Variants in PCNT observed in about 807,000 individuals in gnomAD.
PCNT encodes the protein kendrin.
A neutral mutation model predicts 380.4 loss-of-function variants in PCNT; 319 were observed. That is an observed-to-expected ratio of 0.84 (90% CI 0.77 to 0.92). The LOEUF (loss-of-function observed/expected upper bound fraction) is 0.92. PCNT is among the 40% of genes least tolerant of loss of function. The probability of loss-of-function intolerance (pLI) is 0.00; values close to 1 mark genes in which losing one functional copy is unlikely to be tolerated. For synonymous variants in PCNT, 1,845 were observed against 1,735.2 expected (o/e 1.06, Z -1.57); for missense variants, 4,400 against 4,255.3 (o/e 1.03, Z -0.95).
chr21:46,386,840 C>T (rs796849546), intron 17 of PCNT, among the ~76,000 whole-genome samples: 6 of 152,212 alleles, frequency 3.9e-5, no homozygotes, highest in African/African-American at 1.2e-4. Context: ...TGTTGCCAAA[C>T]GCAGCCTCCC....
Position 46,341,927 on chromosome 21 carries a change from C to T in PCNT, c.640-4201C>T, listed in dbSNP as rs1442254896. On this transcript the variant is annotated intron_variant, in intron 3 of 46. Coordinates refer to ENST00000359568, the MANE Select transcript of PCNT (RefSeq NM_006031.6). ...CTTCTGGCCTCAAGTGATGCTCCTG[C>T]TTTACATGCTTTTTACTTATTTTTT... Among the ~76,000 whole-genome samples the T allele has an allele frequency of 6.4e-5, 9 of 140,056 alleles. No homozygotes were observed. The South Asian group carries it at 2.1e-3, about 33-fold the overall frequency. 91.9% of individuals were successfully genotyped at this position (140,056 alleles called of 152,430 possible).
At chr21:46,348,652 C>T (rs1362448022) in intron 6 of PCNT, among the ~76,000 whole-genome samples, 21 of 152,160 alleles carry the variant, frequency 1.4e-4, no homozygotes, top group Admixed American at 1.4e-3. Context: ...TCTCATTCTG[C>T]CTCCCAGGCT....
Position 46,395,489 on chromosome 21 carries a change from A to G in PCNT, c.4217-1776A>G, listed in dbSNP as rs2086178136. Among the ~76,000 whole-genome samples the G allele has an allele frequency of 1.6e-5, 2 of 128,156 alleles. 1 individual carries two copies. The highest frequency in any genetic ancestry group is 1.5e-4 in the Admixed American group (2 of 13,310). 84.1% of individuals were successfully genotyped at this position (128,156 alleles called of 152,430 possible). A position where few individuals can be genotyped will look rare whatever the true frequency, so the allele number is the denominator to read the frequency against. ...GAGACTCCATCTCAGAAATAATAGT[A>G]ATAAAATAGAGACTTCAGGACTCAG... is the stretch of plus-strand genomic sequence containing the variant. On this transcript the variant is annotated intron_variant, in intron 21 of 46. Coordinates refer to ENST00000359568, the MANE Select transcript of PCNT (RefSeq NM_006031.6).
chr21:46,440,106 G>T lies in PCNT; in HGVS notation c.9297G>T (p.Lys3099Asn). 1.9e-6 allele frequency: 3 copies of T among 1,614,162 alleles called. No individual in the cohort carries two copies. In the South Asian group the frequency reaches 3.3e-5, roughly 18 times the overall value. ...AGAGGTCGGAAAGGTCTGCTTGGAA[G>T]CCAGACGAAACGGCTCCACAGAGTT... ...SPSRSERSAW[K>N]PDETAPQSSL... Residue 3099 changes from lysine to asparagine, a missense_variant, in exon 42 of 47, where the codon AAG (lysine) becomes AAT (asparagine). Transcript: ENST00000359568.
intron 16 of PCNT, among the ~76,000 whole-genome samples, chr21:46,383,234 A>G (rs1569229281): frequency 6.8e-6 from 1 of 147,306 alleles, no homozygotes; most frequent in Admixed American, 6.8e-5. Context: ...GCGGAAGCGC[A>G]TTCACAGTGT....
intron 7 of PCNT, 49 bp downstream of exon 7, chr21:46,349,235 G>A (rs1601802040): frequency 7.0e-7 from 1 of 1,431,568 alleles, no homozygotes; most frequent in East Asian, 2.3e-5. Flanking sequence ...ATTTTCCTAG[G>A]TAGTACTGGA....
intron 25 of PCNT, among the ~76,000 whole-genome samples, chr21:46,400,886 C>G (rs1179821353): frequency 6.6e-6 from 1 of 152,140 alleles, no homozygotes; most frequent in South Asian, 2.1e-4. Flanking sequence ...CAGGCCCTGA[C>G]GTGTTTCCGT....
rs3788259 is a variant in PCNT at position 46,370,120 on chromosome 21, G to A, written c.3165+2981G>A. ...GGCACTTACGGATACACTTGGAGCC[G>A]CTGGATTGTGCGTGCAGTGGGGTCT... On this transcript the variant is annotated intron_variant, in intron 15 of 46. Coordinates refer to ENST00000359568, the MANE Select transcript of PCNT (RefSeq NM_006031.6). 7.4e-4 allele frequency among the ~76,000 whole-genome samples: 112 copies of A among 152,208 alleles called. No individual in the cohort carries two copies. The East Asian group carries it at 0.02, about 27-fold the overall frequency.
rs1215624018 is a variant in PCNT at position 46,412,971 on chromosome 21, G to C, written c.6129G>C (p.Leu2043=). ...TCTTGGTGAAAAATGAAATGCGCCT[G>C]AGTCTGGAGGACGGCGGCAAGGTGT... is the stretch of plus-strand genomic sequence containing the variant. The part of the protein sequence containing the change: ...ELLLVKNEMR[L]SLEDGGKGKE... Residue 2043 remains leucine, a synonymous_variant, in exon 29 of 47, where the codon CTG becomes CTC. Coordinates refer to ENST00000359568, the MANE Select transcript of PCNT (RefSeq NM_006031.6). 2.5e-6 allele frequency: 4 copies of C among 1,609,788 alleles called. No homozygotes were observed. The highest frequency in any genetic ancestry group is 2.2e-5 in the South Asian group (2 of 91,076).
rs778166847 is a variant in PCNT at position 46,416,303 on chromosome 21, T to A, written c.6385T>A (p.Cys2129Ser). Residue 2129 changes from cysteine (C) to serine (S), a missense_variant, in exon 30 of 47, where the codon TGT (cysteine) becomes AGT (serine). Physicochemically the swap from Cys to Ser is moderately radical, Grantham distance 112. Transcript: ENST00000359568. ...EPDISPHIDT[C>S]DANTATGGVT... ...TGACATATCACCCCACATAGACACATGTGATGCCAATACAGCCACGGGGGG... is the reference window on the plus strand; with the variant it reads ...TGACATATCACCCCACATAGACACAAGTGATGCCAATACAGCCACGGGGGG... 1 of 1,613,842 alleles carries A rather than the reference T, an allele frequency of 6.2e-7. No individual in the cohort carries two copies. The highest frequency in any genetic ancestry group is 1.6e-4 in the Middle Eastern group (1 of 6,062).
At chr21:46,390,169 C>T (rs1417278939) in intron 19 of PCNT, among the ~76,000 whole-genome samples, 1 of 152,216 alleles carries the variant, frequency 6.6e-6, no homozygotes, top group Admixed American at 6.5e-5. Flanking sequence ...TTAAGTTAGC[C>T]AGGCGTGGTG....
chr21:46,365,337 ATGGGGTTCTATTCACTGCCG>A (rs1569204248), intron 14 of PCNT, among the ~76,000 whole-genome samples: 2 of 78,094 alleles, frequency 2.6e-5, no homozygotes, highest in East Asian at 4.8e-4. Flanking sequence ...ATTCACTGCC[ATGGGGTTCTATTCACTGCCG>A]TGGGGTTCTG....
chr21:46,338,369 C>G (rs920565668), intron 3 of PCNT, among the ~76,000 whole-genome samples: 5 of 152,166 alleles, frequency 3.3e-5, no homozygotes, highest in African/African-American at 1.2e-4. Flanking sequence ...TTTGCCTTTT[C>G]CAGAATGTTC....
At position 46,432,105 on chromosome 21, in the gene PCNT, C is replaced by T. The variant is rs766529116; in HGVS notation, c.8641C>T (p.Arg2881Trp). Residue 2881 changes from arginine to tryptophan, a missense_variant, in exon 38 of 47, where the codon CGG (arginine) becomes TGG (tryptophan). Coordinates refer to ENST00000359568, the MANE Select transcript of PCNT (RefSeq NM_006031.6). ...GGCAGAATTAGAGCAGTCACACCCA[C>T]GGTTGAAAGAGCAAGAAGGACGCAA... ...LQAELEQSHP[R>W]LKEQEGRKAA... The T allele has an allele frequency of 6.8e-6, 11 of 1,613,956 alleles. No homozygotes were observed. Among genetic ancestry groups the T allele is most frequent in the South Asian group, 2.2e-5 (2 of 91,090 alleles).
intron 17 of PCNT, among the ~76,000 whole-genome samples, chr21:46,387,220 G>T (rs1192590794): frequency 1.3e-5 from 2 of 152,178 alleles, no homozygotes; most frequent in Non-Finnish European, 2.9e-5. Context: ...ATCCGTGTGT[G>T]GGGGGTGTCT....
Position 46,363,849 on chromosome 21 carries a change from G to C in PCNT, c.2524G>C (p.Glu842Gln). The change falls in exon 14 of 47, where the codon GAG becomes CAG. Residue 842 changes from glutamate to glutamine, a missense_variant. By Grantham distance (29) the Glu-to-Gln change is conservative. Transcript: ENST00000359568. ...DALHCSQCGR[E>Q]PPTAQDGELA... ...CCTGCATTGCAGCCAGTGTGGGCGG[G>C]AGCCGCCCACAGCCCAGGACGGGGA... 1 of 1,611,980 alleles carries C rather than the reference G, an allele frequency of 6.2e-7. No homozygotes were observed. Among genetic ancestry groups the C allele is most frequent in the Non-Finnish European group, 8.5e-7 (1 of 1,178,986 alleles).
At chr21:46,407,340 C>CTTTTTTTTTTTTTTT (rs899881614) in intron 27 of PCNT, among the ~76,000 whole-genome samples, 2 of 106,432 alleles carry the variant, frequency 1.9e-5, no homozygotes, top group African/African-American at 3.9e-5. Flanking sequence ...TATACTTTCT[C>CTTTTTTTTTTTTTTT]TTTTTTTTTT....
At chr21:46,380,171 T>TG (rs2085474998) in intron 15 of PCNT, among the ~76,000 whole-genome samples, 2 of 101,636 alleles carry the variant, frequency 2.0e-5, no homozygotes, top group African/African-American at 7.5e-5. Context: ...TTTTTTTTTT[T>TG]TTTTTTTTTT....
chr21:46,390,044 AGT>A (rs1489686884), intron 19 of PCNT, among the ~76,000 whole-genome samples: 1 of 152,248 alleles, frequency 6.6e-6, no homozygotes, highest in Non-Finnish European at 1.5e-5. Context: ...AGTGTACGGG[AGT>A]GTGAGCAACC....
Sources: allele counts gnomAD v4.1 joint callset (sites outside exome capture counted in the v4.1 genomes callset), GRCh38; gene constraint gnomAD v4.1.1; transcripts MANE v1.5; gene names NCBI Gene and HGNC (gene_info 2026-07-23, HGNC 2026-07-21).